Variants in MROH1 observed in about 807,000 individuals in gnomAD.
MROH1 encodes maestro heat like repeat family member 1.
MROH1 carries 117 observed loss-of-function variants against 116.5 expected under a neutral mutation model. The observed-to-expected ratio is 1.00, with a 90% CI of 0.86 to 1.17. The LOEUF is 1.17. MROH1 is among the 50% of genes most tolerant of loss of function. The pLI, the probability that MROH1 is intolerant of heterozygous loss-of-function variation, is 0.00. For synonymous variants in MROH1, 921 were observed against 583.9 expected, an observed-to-expected ratio of 1.58 and a Z score of -8.32; for missense variants, 1,873 against 1,338.5, an observed-to-expected ratio of 1.40 and a Z score of -6.23.
chr8:144,190,707 G>T, intron 7 of MROH1, 77 bp from the exon 8 acceptor site: 1 of 1,550,470 alleles, frequency 6.4e-7, no homozygotes, highest in Non-Finnish European at 8.8e-7. Context: ...TCTGGAAGGG[G>T]CAGGAGGCAG....
intron 12 of MROH1, among the ~76,000 whole-genome samples, chr8:144,202,584 T>TG (rs1157418208): frequency 1.6e-4 from 12 of 73,522 alleles, no homozygotes; most frequent in Non-Finnish European, 2.2e-4. Flanking sequence ...GCCCCCTCTG[T>TG]GGGGGGGAAA....
Position 144,254,827 on chromosome 8 carries a change from T to C in MROH1, c.3443T>C (p.Leu1148Pro). 1 of 776,686 alleles carries C rather than the reference T, an allele frequency of 1.3e-6. No individual in the cohort carries two copies. The highest frequency in any genetic ancestry group is 3.2e-4 in the Middle Eastern group (1 of 3,158). The allele number at this position is 776,686 out of a possible 1,614,324, so 48.1% of individuals were successfully genotyped here. A position where few individuals can be genotyped will look rare whatever the true frequency, so the allele number is the denominator to read the frequency against. ...PLPLDSHTCM[L>P]WRALAVEPRL... ...CTCTGCTCCAGCCACACCTGCATGC[T>C]GTGGCGGGCGCTGGCGGTGGAGCCT... The change falls in exon 34 of 44, where the codon CTG becomes CCG. Residue 1148 changes from leucine to proline, a missense_variant. Leu to Pro is a moderately conservative substitution (Grantham distance 98). Transcript: ENST00000326134.
At chr8:144,174,699 T>C (rs1384308842) in intron 4 of MROH1, 3 of 256,786 alleles carry the variant, frequency 1.2e-5, no homozygotes, top group Admixed American at 6.5e-5. Flanking sequence ...TCCAGGCTGG[T>C]CTTGAACTCC....
chr8:144,171,613 T>A (rs1283034566), intron 4 of MROH1, among the ~76,000 whole-genome samples: 1 of 152,214 alleles, frequency 6.6e-6, no homozygotes, highest in East Asian at 1.9e-4. Context: ...ACTCCTGAGA[T>A]CCTCTAAGGA....
chr8:144,208,104 C>T (rs1396605058), intron 12 of MROH1, among the ~76,000 whole-genome samples: 2 of 152,054 alleles, frequency 1.3e-5, no homozygotes, highest in African/African-American at 4.8e-5. Flanking sequence ...TGCCATCACA[C>T]CGGCTAATTT....
At chr8:144,199,816 T>C (rs889737157) in intron 11 of MROH1, among the ~76,000 whole-genome samples, 1 of 152,160 alleles carries the variant, frequency 6.6e-6, no homozygotes, top group Non-Finnish European at 1.5e-5. Flanking sequence ...CATCTACCCT[T>C]ACACAAGATC....
chr8:144,169,804 G>A (rs1417048589), intron 4 of MROH1, among the ~76,000 whole-genome samples: 14 of 146,152 alleles, frequency 9.6e-5, no homozygotes, highest in Non-Finnish European at 1.5e-4. Flanking sequence ...CACCACACAC[G>A]GCTAATTTTG....
Position 144,201,065 on chromosome 8 carries a change from A to AT in MROH1, c.1141+538dup, listed in dbSNP as rs543513553. The AT allele has an allele frequency of 9.8e-3, 1,417 of 145,206 alleles. 7 individuals carry two copies. Among genetic ancestry groups the AT allele is most frequent in the African/African-American group, 0.011 (446 of 39,630 alleles). 9.0% of individuals were successfully genotyped at this position (145,206 alleles called of 1,614,324 possible). A position where few individuals can be genotyped will look rare whatever the true frequency, so the allele number is the denominator to read the frequency against. ...TTCACGTTTCCTTGTTTTAAGGCTAATTTTTTTTTTTTTTAGTGGTCTTGC... is the reference window on the plus strand; with the variant it reads ...TTCACGTTTCCTTGTTTTAAGGCTAATTTTTTTTTTTTTTTAGTGGTCTTGC... On this transcript the variant is annotated intron_variant, in intron 12 of 43. Coordinates refer to ENST00000326134, the MANE Select transcript of MROH1 (RefSeq NM_032450.3).
chr8:144,155,821 C>G (rs1005241481), intron 1 of MROH1, among the ~76,000 whole-genome samples: 21 of 151,964 alleles, frequency 1.4e-4, no homozygotes, highest in African/African-American at 5.1e-4. Flanking sequence ...TTAGTAGAGA[C>G]AGGGTTTCAA....
At chr8:144,223,876 C>T (rs73368456) in intron 14 of MROH1, among the ~76,000 whole-genome samples, 9,185 of 152,266 alleles carry the variant, frequency 0.06, 955 homozygotes, top group African/African-American at 0.21. Context: ...CTTGTGTTCT[C>T]GTGACCATCA....
intron 4 of MROH1, among the ~76,000 whole-genome samples, chr8:144,170,762 A>G (rs79789721): frequency 0.014 from 2,182 of 152,294 alleles, 95 homozygotes; most frequent in Admixed American, 0.096. Flanking sequence ...ACTTTGTAGC[A>G]TGCCACCTGT....
Position 144,148,017 on chromosome 8 carries a change from C to T in MROH1, c.-236C>T, listed in dbSNP as rs1815826641. On this transcript the variant is annotated 5_prime_UTR_variant, in exon 1 of 44. Transcript: ENST00000326134. ...GGCTCGGCGCGCGCGGCTCCGCCCA[C>T]TCCGGGCCCCTGCTGGGCGGGAAGG... The T allele has an allele frequency of 1.3e-5, 2 of 152,134 alleles. No individual in the cohort carries two copies. The highest frequency in any genetic ancestry group is 2.1e-4 in the South Asian group (1 of 4,836). The allele number at this position is 152,134 out of a possible 1,614,324, so 9.4% of individuals were successfully genotyped here. A position where few individuals can be genotyped will look rare whatever the true frequency, so the allele number is the denominator to read the frequency against.
intron 9 of MROH1, among the ~76,000 whole-genome samples, chr8:144,192,084 G>A (rs1481806992): frequency 6.6e-6 from 1 of 152,162 alleles, no homozygotes; most frequent in African/African-American, 2.4e-5. Context: ...CTTGGTCCAT[G>A]GCACCTGTGG....
At chr8:144,252,695 G>C (rs1015869831) in intron 33 of MROH1, 1 of 149,700 alleles carries the variant, frequency 6.7e-6, no homozygotes, top group Admixed American at 6.7e-5. Context: ...GGCCAGGCAC[G>C]GTGGCTCACG....
At chr8:144,261,395 T>G in intron 43 of MROH1, 46 bp downstream of exon 43, 1 of 700,606 alleles carries the variant, frequency 1.4e-6, no homozygotes, top group African/African-American at 1.7e-5. Flanking sequence ...CTGCTGACCC[T>G]GTAGGCACCC....
chr8:144,243,458 G>C, intron 24 of MROH1, 36 bp from the exon 25 acceptor site: 2 of 776,852 alleles, frequency 2.6e-6, no homozygotes, highest in Middle Eastern at 2.9e-4. Flanking sequence ...CTGGAGGGCG[G>C]GCGTGGGCGT....
In MROH1 at chr8:144,258,817, G is replaced by T; in HGVS notation, c.3832G>T (p.Gly1278Cys). 1 of 769,426 alleles carries T rather than the reference G, an allele frequency of 1.3e-6. No individual in the cohort carries two copies. Among genetic ancestry groups the T allele is most frequent in the East Asian group, 2.4e-5 (1 of 40,892 alleles). 47.7% of individuals were successfully genotyped at this position (769,426 alleles called of 1,614,324 possible). Reference sequence around the variant, plus strand: ...CCTGCGGTCCATGCTACTCCGCAGCGGCAGCGAGGATGTGGTACAGCGCAT... The same window carrying T: ...CCTGCGGTCCATGCTACTCCGCAGCTGCAGCGAGGATGTGGTACAGCGCAT... Reference protein sequence around the residue: ...DTLRSMLLRSGSEDVVQRMDL... With the variant: ...DTLRSMLLRSCSEDVVQRMDL... The change falls in exon 36 of 44, where the codon GGC (glycine) becomes TGC (cysteine). Residue 1278 changes from glycine to cysteine, a missense_variant. Coordinates refer to ENST00000326134, the MANE Select transcript of MROH1 (RefSeq NM_032450.3).
chr8:144,208,721 T>TTTTTTTC (rs1344500233), intron 12 of MROH1, among the ~76,000 whole-genome samples: 1 of 152,004 alleles, frequency 6.6e-6, no homozygotes, highest in African/African-American at 2.4e-5. Context: ...ATCACACTTT[T>TTTTTTTC]TTTTTTCTTT....
rs969486338 is a variant in MROH1, at chr8:144,255,108, G to A, written c.3594+130G>A. 8.2e-6 allele frequency: 5 copies of A among 612,574 alleles called. No individual in the cohort carries two copies. In the African/African-American group the frequency reaches 9.2e-5, roughly 11 times the overall value. 37.9% of individuals were successfully genotyped at this position (612,574 alleles called of 1,614,324 possible). A position where few individuals can be genotyped will look rare whatever the true frequency, so the allele number is the denominator to read the frequency against. ...GGCACCTGGAGGCAGCACCGGGCTG[G>A]GAGCTCTGAGCTCAGGCTCGTAAAG... On this transcript the variant is annotated intron_variant, in intron 34 of 43. Transcript: ENST00000326134.
Sources: allele counts gnomAD v4.1 joint callset (sites outside exome capture counted in the v4.1 genomes callset), GRCh38; gene constraint gnomAD v4.1.1; transcripts MANE v1.5; gene names NCBI Gene and HGNC (gene_info 2026-07-23, HGNC 2026-07-21).